Variants in DGKZ observed in about 807,000 individuals in gnomAD.
DGKZ encodes the protein DAG kinase zeta.
Under a neutral mutation model 142.5 loss-of-function variants are expected in DGKZ, and 45 were observed. The ratio of observed to expected loss-of-function variants is 0.32; its 90% CI spans 0.25 to 0.40. DGKZ has a LOEUF of 0.40. Ranked by LOEUF, DGKZ falls within the 10% of genes least tolerant of loss-of-function variation. DGKZ has a pLI of 1.00. For missense variants in DGKZ, 755 were observed against 1,306.5 expected (o/e 0.58, Z 6.51); for synonymous variants, 442 against 527.0 (o/e 0.84, Z 2.21).
chr11:46,353,248 T>A (rs1248252357), intron 1 of DGKZ, among the ~76,000 whole-genome samples: 1 of 152,244 alleles, frequency 6.6e-6, no homozygotes, highest in African/African-American at 2.4e-5. Context: ...CAGCTCACAC[T>A]GGAGCCCAGC....
rs11820348 is a variant in DGKZ, at chr11:46,339,446, C to A, written c.212+5959C>A. ...CCTTTGAAAAGGGCGGGGCCCAGGC[C>A]CAGCCCGGAACTCCTTCCCTCCCCT... is the stretch of plus-strand genomic sequence containing the variant. On this transcript the variant is annotated intron_variant, in intron 1 of 30. Transcript: ENST00000343674. Among the ~76,000 whole-genome samples, 140 of 152,194 alleles carry A rather than the reference C, an allele frequency of 9.2e-4. 2 individuals carry two copies. The highest frequency in any genetic ancestry group is 3.2e-3 in the African/African-American group (132 of 41,496).
At chr11:46,335,310 CAA>C (rs113151099) in intron 1 of DGKZ, among the ~76,000 whole-genome samples, 35 of 129,916 alleles carry the variant, frequency 2.7e-4, no homozygotes, top group African/African-American at 4.5e-4. Flanking sequence ...GTGACTCCAT[CAA>C]AAAAAAAAAA....
At chr11:46,344,804 G>A (rs1323650801), upstream of DGKZ, among the ~76,000 whole-genome samples, 5 of 152,004 alleles carry the variant, frequency 3.3e-5, no homozygotes, top group Non-Finnish European at 7.4e-5. Context: ...AATCTCCCTG[G>A]CACATGTATT....
At chr11:46,354,979 C>G (rs1038453872) in intron 1 of DGKZ, among the ~76,000 whole-genome samples, 2 of 152,236 alleles carry the variant, frequency 1.3e-5, no homozygotes, top group Non-Finnish European at 2.9e-5. Context: ...TTCGCTATTG[C>G]AAGCGATCCC....
intron 6 of DGKZ, 31 bp from the exon 7 acceptor site, chr11:46,371,282 C>T (rs1590590837): frequency 1.2e-6 from 2 of 1,608,902 alleles, no homozygotes; most frequent in African/African-American, 1.3e-5. Flanking sequence ...CCACGCCTGC[C>T]CTGGTTCCCA....
intron 1 of DGKZ, among the ~76,000 whole-genome samples, chr11:46,360,451 C>T (rs1277492149): frequency 6.7e-6 from 1 of 149,444 alleles, no homozygotes; most frequent in Non-Finnish European, 1.5e-5. Context: ...ATGGTGTGCC[C>T]AGGGAGGGCG....
chr11:46,372,281 T>C lies in DGKZ; in HGVS notation c.927+111T>C. 7.5e-7 allele frequency: 1 copy of C among 1,341,644 alleles called. No homozygotes were observed. The highest frequency in any genetic ancestry group is 1.0e-6 in the Non-Finnish European group (1 of 970,700). 83.1% of individuals were successfully genotyped at this position (1,341,644 alleles called of 1,614,324 possible). A position where few individuals can be genotyped will look rare whatever the true frequency, so the allele number is the denominator to read the frequency against. ...TTCTGGCTTCTACCCCAATCCCTCTTTCCCAGGGATCCTGAGAAAATCCTG... is the reference window on the plus strand; with the variant it reads ...TTCTGGCTTCTACCCCAATCCCTCTCTCCCAGGGATCCTGAGAAAATCCTG... On this transcript the variant is annotated intron_variant, in intron 10 of 30. Coordinates refer to ENST00000527911, the Ensembl canonical transcript of DGKZ. The surrounding 1 kb of genome is among the most constrained non-coding windows in gnomAD (Gnocchi z 5.9).
In DGKZ at chr11:46,373,023, G is replaced by A. The variant is rs1336751624; in HGVS notation, c.1248G>A (p.Gln416=). ...ACGTGGAGGAGGGGAACGTGGTACA[G>A]CTGGACCGCTGGGACCTCCACGCTG... is the stretch of plus-strand genomic sequence containing the variant. Residue 416 remains glutamine (Q), a synonymous_variant, in exon 14 of 31, where the codon CAG becomes CAA. Coordinates refer to ENST00000527911, the Ensembl canonical transcript of DGKZ. The A allele has an allele frequency of 1.4e-5, 21 of 1,542,084 alleles. No individual in the cohort carries two copies. Among genetic ancestry groups the A allele is most frequent in the Non-Finnish European group, 1.8e-5 (20 of 1,142,120 alleles).
chr11:46,369,147 G>A, intron 4 of DGKZ: 1 of 355,950 alleles, frequency 2.8e-6, no homozygotes. Context: ...CTGCACTCCA[G>A]CCTGGGCAAC....
intron 1 of DGKZ, among the ~76,000 whole-genome samples, chr11:46,350,906 T>G (rs1328059979): frequency 6.6e-6 from 1 of 151,150 alleles, no homozygotes; most frequent in Non-Finnish European, 1.5e-5. Context: ...AGCTTGTGGA[T>G]TCCTCCCACC....
intron 1 of DGKZ, among the ~76,000 whole-genome samples, chr11:46,348,152 C>T (rs1940903329): frequency 6.6e-6 from 1 of 152,058 alleles, no homozygotes; most frequent in African/African-American, 2.4e-5. Context: ...ACCCCAGCCC[C>T]CGGCACAAGC....
Position 46,377,288 on chromosome 11 carries a change from C to G in DGKZ, c.2342+76C>G, listed in dbSNP as rs1050037655. 2.5e-5 allele frequency: 37 copies of G among 1,487,456 alleles called. 1 individual carries two copies. The highest frequency in any genetic ancestry group is 2.2e-4 in the Admixed American group (9 of 41,188). The allele number at this position is 1,487,456 out of a possible 1,614,324, so 92.1% of individuals were successfully genotyped here. ...TAAGCCGATGACTTCTGAATCCCTG[C>G]TTCTAGCCCCTCCACCAGTTAACTA... On this transcript the variant is annotated intron_variant, in intron 25 of 30. Coordinates refer to ENST00000527911, the Ensembl canonical transcript of DGKZ.
intron 1 of DGKZ, among the ~76,000 whole-genome samples, chr11:46,333,950 C>T (rs7938458): frequency 6.6e-6 from 1 of 152,054 alleles, no homozygotes; most frequent in African/African-American, 2.4e-5. Flanking sequence ...CCCTGCTGCC[C>T]AGAGATGGGG....
intron 1 of DGKZ, among the ~76,000 whole-genome samples, chr11:46,363,988 A>C (rs761769237): frequency 1.3e-5 from 2 of 152,182 alleles, no homozygotes; most frequent in Non-Finnish European, 2.9e-5. Flanking sequence ...TCTAGAATGG[A>C]GCTGCAGGTC....
At chr11:46,333,362 A>G (rs911872234) in exon 1 of DGKZ, 1 of 1,373,812 alleles carries the variant, frequency 7.3e-7, no homozygotes, top group Admixed American at 3.8e-5. Context: ...TGCGGCGGCG[A>G]TGCCGGCGCG....
chr11:46,370,640 G>A (rs1943837956), intron 6 of DGKZ, among the ~76,000 whole-genome samples: 1 of 152,196 alleles, frequency 6.6e-6, no homozygotes, highest in Non-Finnish European at 1.5e-5. Flanking sequence ...TAGGAAGGAG[G>A]GAAAATCCGA....
chr11:46,338,234 C>T (rs1940103603), intron 1 of DGKZ, among the ~76,000 whole-genome samples: 1 of 152,112 alleles, frequency 6.6e-6, no homozygotes, highest in South Asian at 2.1e-4. Context: ...TGGTGGCTCA[C>T]GCCTGTAATC....
intron 26 of DGKZ, 67 bp downstream of exon 26, chr11:46,378,296 G>A: frequency 6.4e-7 from 1 of 1,564,916 alleles, no homozygotes; most frequent in Non-Finnish European, 8.7e-7. Context: ...AGTGGGGTGG[G>A]GATAGGGCCC....
intron 14 of DGKZ, 130 bp downstream of exon 14, chr11:46,373,231 T>A: frequency 1.9e-6 from 2 of 1,041,088 alleles, no homozygotes; most frequent in Non-Finnish European, 2.7e-6. Context: ...CCTTGTACGA[T>A]GGGAATAATA....
Sources: gnomAD v4.1 joint callset for allele counts (sites outside exome capture counted in the v4.1 genomes callset) on GRCh38, gnomAD v4.1.1 for gene constraint, Gnocchi (gnomAD v3.1) non-coding constraint, MANE v1.5 for transcripts, NCBI Gene and HGNC (gene_info 2026-07-23, HGNC 2026-07-21) for gene names.